The following CRACD variants were observed in gnomAD, a reference collection of about 807,000 sequenced individuals.
CRACD encodes capping protein inhibiting regulator of actin dynamics, also known as capping protein-inhibiting regulator of actin dynamics.
Under a neutral mutation model 106.8 loss-of-function variants are expected in CRACD, and 56 were observed. The ratio of observed to expected loss-of-function variants is 0.52; its 90% CI spans 0.42 to 0.66. CRACD has a LOEUF of 0.66. Among genes scored for constraint, CRACD ranks in the 30% least tolerant of loss-of-function variants. CRACD has a pLI of 0.00. For missense variants in CRACD, 1,730 were observed against 1,623.2 expected (o/e 1.07, Z -1.13); for synonymous variants, 754 against 670.8 (o/e 1.12, Z -1.92).
intron 1 of CRACD, 84 bp downstream of exon 1, chr4:56,049,383 C>T (rs931109423): frequency 6.6e-6 from 1 of 151,960 alleles, no homozygotes; most frequent in African/African-American, 2.4e-5. Context: ...CCCTCCGGGC[C>T]GGGCCCCCGC....
chr4:56,054,981 A>G (rs1023974506), intron 1 of CRACD, among the ~76,000 whole-genome samples: 1 of 152,228 alleles, frequency 6.6e-6, no homozygotes, highest in South Asian at 2.1e-4. Flanking sequence ...ACTGTATTCA[A>G]TATGAATTGA....
intron 2 of CRACD, among the ~76,000 whole-genome samples, chr4:56,194,428 C>T (rs550048596): frequency 1.3e-5 from 2 of 152,282 alleles, no homozygotes; most frequent in East Asian, 3.9e-4. Context: ...GAACAACTAA[C>T]GTTATTGCTT....
chr4:56,293,960 C>T (rs1272149630), intron 3 of CRACD, among the ~76,000 whole-genome samples: 1 of 151,900 alleles, frequency 6.6e-6, no homozygotes, highest in Non-Finnish European at 1.5e-5. Context: ...GGTGTGGTGG[C>T]TTATGCCTGT....
At chr4:56,249,324 A>C (rs1418257389) in intron 2 of CRACD, among the ~76,000 whole-genome samples, 1 of 147,434 alleles carries the variant, frequency 6.8e-6, no homozygotes, top group Non-Finnish European at 1.5e-5. Context: ...TCTGATGGCC[A>C]GTGATGATGA....
chr4:56,208,032 C>G (rs528264636), intron 2 of CRACD, among the ~76,000 whole-genome samples: 1 of 151,000 alleles, frequency 6.6e-6, no homozygotes, highest in East Asian at 2.0e-4. Context: ...GTTGCCCAGG[C>G]TGGTCTCTTG....
intron 2 of CRACD, among the ~76,000 whole-genome samples, chr4:56,219,742 G>T (rs1319401960): frequency 7.9e-5 from 12 of 152,168 alleles, no homozygotes; most frequent in Admixed American, 7.9e-4. Context: ...TTTAGTAAGT[G>T]TTCATTGTGA....
At chr4:56,191,454 A>G (rs567629267) in intron 2 of CRACD, among the ~76,000 whole-genome samples, 4 of 149,448 alleles carry the variant, frequency 2.7e-5, no homozygotes, top group Non-Finnish European at 5.9e-5. Context: ...CTCTGCTTCT[A>G]CCATCACATC....
chr4:56,100,140 G>C (rs1733731249), intron 1 of CRACD, among the ~76,000 whole-genome samples: 1 of 152,136 alleles, frequency 6.6e-6, no homozygotes, highest in Admixed American at 6.5e-5. Context: ...CTACTTGGGA[G>C]GCTGAGGCAG....
rs894562310 is a variant in CRACD at position 56,328,827 on chromosome 4, TAAAAC to T, written c.*1026_*1030del. Among the ~76,000 whole-genome samples the T allele has an allele frequency of 2.0e-5, 3 of 152,074 alleles. No homozygotes were observed. The highest frequency in any genetic ancestry group is 4.4e-5 in the Non-Finnish European group (3 of 68,000). ...AGCAACAGTGAGACAGGAAAAATAATAAAACAACCCCCCAAGCCAGCCATTTATTA... is the reference window on the plus strand; with the variant it reads ...AGCAACAGTGAGACAGGAAAAATAATAACCCCCCAAGCCAGCCATTTATTA... On this transcript the variant is annotated 3_prime_UTR_variant, in exon 11 of 11. Coordinates refer to ENST00000682029, the MANE Select transcript of CRACD (RefSeq NM_001393381.1).
At position 56,314,748 on chromosome 4, in the gene CRACD, A is replaced by C. The variant is rs779399727; in HGVS notation, c.1246A>C (p.Arg416=). The change falls in exon 8 of 11, where the codon AGG becomes CGG. Residue 416 remains arginine (R), a synonymous_variant. Transcript: ENST00000682029. The surrounding 1 kb of genome is among the most constrained non-coding windows in gnomAD (Gnocchi z 4.4). ...EEGQAHLEDW[R]GQLSELLNDF... is the part of the protein sequence containing the mutation. ...GGGCCAGGCGCACCTGGAGGACTGG[A>C]GGGGGCAGCTCAGTGAGCTTCTGAA... The C allele has an allele frequency of 1.1e-5, 17 of 1,585,538 alleles. No homozygotes were observed. In the East Asian group the frequency reaches 3.9e-4, roughly 36 times the overall value.
chr4:56,177,674 AT>A (rs1386939170), intron 1 of CRACD, among the ~76,000 whole-genome samples: 1 of 152,124 alleles, frequency 6.6e-6, no homozygotes, highest in African/African-American at 2.4e-5. Context: ...GAGACTTTTT[AT>A]TGCTACTTCA....
At chr4:56,209,030 G>C (rs993550259) in intron 2 of CRACD, among the ~76,000 whole-genome samples, 2 of 151,928 alleles carry the variant, frequency 1.3e-5, no homozygotes, top group East Asian at 1.9e-4. Context: ...AAAATATCTT[G>C]CTATCACTAT....
intron 6 of CRACD, 94 bp from the exon 7 acceptor site, chr4:56,313,103 C>A: frequency 1.8e-6 from 2 of 1,125,328 alleles, no homozygotes; most frequent in Non-Finnish European, 2.6e-6. Context: ...CCAGGCTGGG[C>A]GAGGCGCACA....
rs142708112 is a variant in CRACD, at chr4:56,156,025, G to A, written c.-335-23259G>A. Among the ~76,000 whole-genome samples, 83 of 152,284 alleles carry A rather than the reference G, an allele frequency of 5.5e-4. No individual in the cohort carries two copies. The East Asian group carries it at 0.014, about 26-fold the overall frequency. On this transcript the variant is annotated intron_variant, in intron 1 of 10. Coordinates refer to ENST00000682029, the MANE Select transcript of CRACD (RefSeq NM_001393381.1). The stretch of plus-strand genomic sequence containing the variant: ...GTCACCCAGGCTGGAGTGCAGTGGT[G>A]TGATCTTGGCTTACTGCAACCTCCA...
Position 56,315,012 on chromosome 4 carries a change from C to T in CRACD, c.1510C>T (p.Pro504Ser), listed in dbSNP as rs1745484146. The T allele has an allele frequency of 6.3e-7, 1 of 1,589,668 alleles. No individual in the cohort carries two copies. Among genetic ancestry groups the T allele is most frequent in the Non-Finnish European group, 8.6e-7 (1 of 1,169,466 alleles). ...QEGPVEAAQP[P>S]VERKEAAALE... ...GGGGCCGGTGGAAGCCGCGCAGCCT[C>T]CGGTGGAGAGGAAAGAAGCCGCCGC... is the stretch of plus-strand genomic sequence containing the variant. Residue 504 changes from proline to serine, a missense_variant, in exon 8 of 11, where the codon CCG (proline) becomes TCG (serine). By Grantham distance (74) the Pro-to-Ser change is moderately conservative. Coordinates refer to ENST00000682029, the MANE Select transcript of CRACD (RefSeq NM_001393381.1). The surrounding 1 kb of genome is among the most constrained non-coding windows in gnomAD (Gnocchi z 4.1).
chr4:56,093,243 T>G (rs972186195), intron 1 of CRACD, among the ~76,000 whole-genome samples: 12 of 152,190 alleles, frequency 7.9e-5, no homozygotes. Context: ...TGAGGAGTCA[T>G]GCTAGCCTGT....
chr4:56,094,539 C>A (rs1033796364), intron 1 of CRACD, among the ~76,000 whole-genome samples: 1 of 151,722 alleles, frequency 6.6e-6, no homozygotes, highest in African/African-American at 2.4e-5. Flanking sequence ...CTGAAACCTC[C>A]ATTTCCTGGG....
intron 2 of CRACD, among the ~76,000 whole-genome samples, chr4:56,209,928 C>T (rs1352078110): frequency 1.3e-5 from 2 of 152,092 alleles, no homozygotes; most frequent in East Asian, 1.9e-4. Flanking sequence ...AATTTACATG[C>T]CAGGAGAAGA....
intron 1 of CRACD, among the ~76,000 whole-genome samples, chr4:56,068,055 G>A (rs907801463): frequency 2.6e-5 from 4 of 152,158 alleles, no homozygotes; most frequent in African/African-American, 9.7e-5. Context: ...GGATAAGAGA[G>A]GTCATATTTC....
Sources: gnomAD v4.1 joint callset for allele counts (sites outside exome capture counted in the v4.1 genomes callset) on GRCh38, gnomAD v4.1.1 for gene constraint, Gnocchi (gnomAD v3.1) non-coding constraint, MANE v1.5 for transcripts, NCBI Gene and HGNC (gene_info 2026-07-23, HGNC 2026-07-21) for gene names.